The following PRKG1 variants were observed in gnomAD, a reference collection of about 807,000 sequenced individuals.
PRKG1 encodes protein kinase cGMP-dependent 1, also known as cGMP-dependent protein kinase 1.
In PRKG1, 35 loss-of-function variants were observed where a neutral mutation model predicts 88.1. That is an observed-to-expected ratio of 0.40 (90% CI 0.30 to 0.53). The LOEUF (loss-of-function observed/expected upper bound fraction) is 0.53, where lower values mean the gene tolerates loss of function less well. PRKG1 is among the 20% of genes least tolerant of loss of function. The pLI is 0.59. For missense variants in PRKG1, 540 were observed against 839.8 expected (o/e 0.64, Z 4.41); for synonymous variants, 303 against 292.5 (o/e 1.04, Z -0.37).
At chr10:52,111,601 A>G (rs1363339850) in intron 7 of PRKG1, among the ~76,000 whole-genome samples, 2 of 152,170 alleles carry the variant, frequency 1.3e-5, no homozygotes, top group African/African-American at 4.8e-5. Context: ...TGTCAGTGAG[A>G]ATGCTTTAAT....
chr10:52,138,582 T>A (rs1248548934), intron 8 of PRKG1, among the ~76,000 whole-genome samples: 2 of 152,044 alleles, frequency 1.3e-5, no homozygotes, highest in Admixed American at 6.6e-5. Flanking sequence ...ACAGCACACA[T>A]GGCTGATGAT....
At chr10:51,779,929 T>G (rs2132560624) in intron 3 of PRKG1, among the ~76,000 whole-genome samples, 1 of 152,290 alleles carries the variant, frequency 6.6e-6, no homozygotes, top group African/African-American at 2.4e-5. Context: ...GAAAAACTAC[T>G]TTGGCTTTTA....
At chr10:51,474,599 T>C (rs1840141573) in intron 3 of PRKG1, among the ~76,000 whole-genome samples, 1 of 151,988 alleles carries the variant, frequency 6.6e-6, no homozygotes, top group African/African-American at 2.4e-5. Flanking sequence ...CATGGTTCAG[T>C]GTTTGAGACA....
chr10:51,001,717 T>C lies in PRKG1; in HGVS notation c.266+10073T>C, dbSNP rs571555655. On this transcript the variant is annotated intron_variant, in intron 1 of 17. Coordinates refer to the PRKG1 transcript ENST00000401604. ...GTTTGAGTAGAAGTACCCTCCTAAA[T>C]GTAGGAAAAACAACAAAAAAGAGGT... Among the ~76,000 whole-genome samples the C allele has an allele frequency of 1.1e-3, 166 of 152,134 alleles. 1 individual carries two copies. The highest frequency in any genetic ancestry group is 3.9e-3 in the African/African-American group (162 of 41,518).
At chr10:51,464,468 A>G (rs1169709642) in intron 2 of PRKG1, among the ~76,000 whole-genome samples, 1 of 152,176 alleles carries the variant, frequency 6.6e-6, no homozygotes, top group Non-Finnish European at 1.5e-5. Flanking sequence ...TATTCCAATT[A>G]ATGTGAAATA....
intron 1 of PRKG1, among the ~76,000 whole-genome samples, chr10:51,019,571 A>C (rs1843108292): frequency 1.3e-5 from 2 of 152,182 alleles, no homozygotes; most frequent in South Asian, 4.1e-4. Flanking sequence ...GGAAAGCTTC[A>C]AAACACTGGA....
intron 4 of PRKG1, among the ~76,000 whole-genome samples, chr10:51,810,316 C>G (rs1839422272): frequency 6.6e-6 from 1 of 152,074 alleles, no homozygotes; most frequent in African/African-American, 2.4e-5. Context: ...TGGTTTGGCC[C>G]CTTTTAACCA....
chr10:51,555,465 GA>G (rs1265929082), intron 3 of PRKG1, among the ~76,000 whole-genome samples: 49 of 151,948 alleles, frequency 3.2e-4, no homozygotes, highest in African/African-American at 1.1e-3. Flanking sequence ...AAACTAAAGA[GA>G]AAAAATGGCT....
chr10:50,991,592 A>G lies in PRKG1; in HGVS notation c.214A>G (p.Arg72Gly). 1.3e-6 allele frequency: 2 copies of G among 1,590,162 alleles called. No individual in the cohort carries two copies. Among genetic ancestry groups the G allele is most frequent in the Non-Finnish European group, 1.7e-6 (2 of 1,169,670 alleles). Residue 72 changes from arginine (R) to glycine (G), a missense_variant, in exon 1 of 18, where the codon AGG (arginine) becomes GGG (glycine). By Grantham distance (125) the Arg-to-Gly change is moderately radical (BLOSUM62 -2). Transcript: ENST00000401604. The surrounding 1 kb of genome is among the most constrained non-coding windows in gnomAD (Gnocchi z 4.5). Reference sequence around the variant, plus strand: ...CATCTCGGCCGAGCCGCAGACGTACAGGTCCTTCCACGACCTCCGACAGGC... The same window carrying G: ...CATCTCGGCCGAGCCGCAGACGTACGGGTCCTTCCACGACCTCCGACAGGC...
chr10:51,970,885 A>C (rs2133090184), intron 5 of PRKG1, among the ~76,000 whole-genome samples: 1 of 149,806 alleles, frequency 6.7e-6, no homozygotes. Flanking sequence ...GTAAGTACCT[A>C]AGAAAATATG....
chr10:51,492,812 A>G (rs112544560), intron 3 of PRKG1, among the ~76,000 whole-genome samples: 24 of 152,142 alleles, frequency 1.6e-4, no homozygotes, highest in Admixed American at 2.0e-4. Context: ...ATGGCATGAA[A>G]CTTGAATAAA....
chr10:51,185,146 G>T (rs1013383491), intron 2 of PRKG1, among the ~76,000 whole-genome samples: 15 of 152,048 alleles, frequency 9.9e-5, no homozygotes, highest in Non-Finnish European at 2.2e-4. Flanking sequence ...ATTTCACAGG[G>T]TCAAGTCTTG....
At chr10:51,423,719 A>G (rs73334408) in intron 2 of PRKG1, among the ~76,000 whole-genome samples, 4,611 of 152,176 alleles carry the variant, frequency 0.03, 208 homozygotes, top group African/African-American at 0.1. Flanking sequence ...TATTATTCCA[A>G]CCTCCTGAGG....
chr10:51,768,019 A>G (rs180975365), intron 3 of PRKG1, among the ~76,000 whole-genome samples: 70 of 149,156 alleles, frequency 4.7e-4, no homozygotes, highest in Middle Eastern at 3.4e-3. Flanking sequence ...TAAAAAAAAA[A>G]TAAATAAATA....
chr10:51,413,666 G>GT (rs1368999279), intron 2 of PRKG1, among the ~76,000 whole-genome samples: 1 of 151,920 alleles, frequency 6.6e-6, no homozygotes, highest in African/African-American at 2.4e-5. Context: ...GCCAAAAAAA[G>GT]TTTTTAAAAA....
chr10:51,904,473 C>T (rs1294403409), intron 4 of PRKG1, among the ~76,000 whole-genome samples: 1 of 151,852 alleles, frequency 6.6e-6, no homozygotes, highest in Non-Finnish European at 1.5e-5. Context: ...TGTTTTGTTC[C>T]TAGTGTGTAT....
At chr10:51,197,919 A>G (rs1837812985) in intron 2 of PRKG1, among the ~76,000 whole-genome samples, 1 of 151,810 alleles carries the variant, frequency 6.6e-6, no homozygotes, top group African/African-American at 2.4e-5. Flanking sequence ...ATTATCCTTT[A>G]GACAAACATT....
chr10:52,062,486 G>A (rs1430388568), intron 6 of PRKG1, 51 bp from the exon 7 acceptor site: 1 of 1,162,280 alleles, frequency 8.6e-7, no homozygotes, highest in Non-Finnish European at 1.2e-6. Context: ...GTGTTCCTTT[G>A]TCCATTGTGG....
intron 1 of PRKG1, among the ~76,000 whole-genome samples, chr10:51,006,424 A>G (rs1316102381): frequency 1.3e-5 from 2 of 152,232 alleles, no homozygotes; most frequent in Non-Finnish European, 1.5e-5. Flanking sequence ...TAGTCATTCA[A>G]TAAATGTTAG....
Sources: gnomAD v4.1 joint callset for allele counts (sites outside exome capture counted in the v4.1 genomes callset) on GRCh38, gnomAD v4.1.1 for gene constraint, Gnocchi (gnomAD v3.1) non-coding constraint, MANE v1.5 for transcripts, NCBI Gene and HGNC (gene_info 2026-07-23, HGNC 2026-07-21) for gene names.